The following ADGRV1 variants were observed in gnomAD, a reference collection of about 807,000 sequenced individuals.
ADGRV1 encodes adhesion G protein-coupled receptor V1, also known as G-protein coupled receptor 98.
Under a neutral mutation model 596.2 loss-of-function variants are expected in ADGRV1, and 359 were observed. The ratio of observed to expected loss-of-function variants is 0.60; its 90% CI spans 0.55 to 0.66. ADGRV1 has a LOEUF of 0.66. Ranked by LOEUF, ADGRV1 falls within the 30% of genes least tolerant of loss-of-function variation. The pLI is 0.00. For synonymous variants in ADGRV1, 2,681 were observed against 2,679.2 expected, an observed-to-expected ratio of 1.00 and a Z score of -0.02; for missense variants, 7,274 against 7,575.6, an observed-to-expected ratio of 0.96 and a Z score of 1.48.
chr5:90,636,464 C>T (rs1766222417), intron 10 of ADGRV1, among the ~76,000 whole-genome samples: 1 of 152,090 alleles, frequency 6.6e-6, no homozygotes, highest in Non-Finnish European at 1.5e-5. Context: ...CTCTTTTCTT[C>T]TTAAAACGGA....
intron 80 of ADGRV1, 76 bp downstream of exon 80, chr5:90,853,609 G>T: frequency 7.1e-7 from 1 of 1,409,146 alleles, no homozygotes; most frequent in Non-Finnish European, 9.7e-7. Context: ...GAATGCATTT[G>T]TTTGATCACA....
chr5:90,649,480 G>A (rs2149452795), intron 17 of ADGRV1, among the ~76,000 whole-genome samples: 1 of 151,828 alleles, frequency 6.6e-6, no homozygotes, highest in East Asian at 1.9e-4. Context: ...TAAAGAGTAG[G>A]GGAACTGACA....
chr5:90,879,339 C>A (rs1769528353), intron 83 of ADGRV1, among the ~76,000 whole-genome samples: 1 of 152,068 alleles, frequency 6.6e-6, no homozygotes, highest in Admixed American at 6.6e-5. Flanking sequence ...AAAGAAGTAT[C>A]AGTACACAGG....
intron 85 of ADGRV1, among the ~76,000 whole-genome samples, chr5:91,040,356 G>A (rs1036172556): frequency 3.9e-5 from 6 of 152,106 alleles, no homozygotes; most frequent in African/African-American, 9.7e-5. Context: ...GGGCTGTGGG[G>A]CACTGTACTG....
intron 89 of ADGRV1, among the ~76,000 whole-genome samples, chr5:91,156,247 A>G (rs1180577740): frequency 1.3e-5 from 2 of 152,064 alleles, no homozygotes; most frequent in African/African-American, 4.8e-5. Context: ...GAGAGAGAAG[A>G]AAGGAAAAGA....
Position 90,628,554 on chromosome 5 carries a change from C to T in ADGRV1, c.1239-8C>T. On this transcript the variant is annotated splice_region_variant and splice_polypyrimidine_tract_variant and intron_variant, in intron 7 of 89. Transcript: ENST00000405460. The stretch of plus-strand genomic sequence containing the variant: ...GTGACAATATGTATTTCTTTTAAAA[C>T]ATTTAAGATATGAAGAAATCACAGT... 6.2e-7 allele frequency: 1 copy of T among 1,610,266 alleles called. No homozygotes were observed. The highest frequency in any genetic ancestry group is 1.1e-5 in the South Asian group (1 of 91,006).
chr5:91,135,625 C>A lies in ADGRV1; in HGVS notation c.18433-14405C>A, dbSNP rs749658354. Among the ~76,000 whole-genome samples the A allele has an allele frequency of 2.0e-5, 3 of 152,074 alleles. No homozygotes were observed. In the South Asian group the frequency reaches 6.2e-4, roughly 32 times the overall value. ...CTGTAGGGAATCTGGTTTTTCCTGC[C>A]CTTGTTTTCTAGGCCCCAGGCAATA... On this transcript the variant is annotated intron_variant, in intron 87 of 89. Coordinates refer to ENST00000405460, the MANE Select transcript of ADGRV1 (RefSeq NM_032119.4).
At chr5:90,831,090 A>G (rs1411796596) in intron 77 of ADGRV1, among the ~76,000 whole-genome samples, 2 of 152,148 alleles carry the variant, frequency 1.3e-5, no homozygotes, top group South Asian at 2.1e-4. Flanking sequence ...TTCTCAGGCC[A>G]TAAGGCTTGA....
At chr5:90,878,977 T>G (rs1481227236) in intron 83 of ADGRV1, among the ~76,000 whole-genome samples, 1 of 152,230 alleles carries the variant, frequency 6.6e-6, no homozygotes, top group African/African-American at 2.4e-5. Flanking sequence ...GAGTCATTCT[T>G]TCCTGGGATA....
intron 39 of ADGRV1, among the ~76,000 whole-genome samples, chr5:90,709,746 A>C (rs2149710891): frequency 6.6e-6 from 1 of 152,362 alleles, no homozygotes; most frequent in Middle Eastern, 3.4e-3. Context: ...GAAATAGATG[A>C]TTCCAATGAG....
chr5:91,005,875 T>A (rs16869331), intron 85 of ADGRV1, among the ~76,000 whole-genome samples: 21,064 of 152,154 alleles, frequency 0.14, 1,974 homozygotes, highest in African/African-American at 0.24. Flanking sequence ...ACCATCGCTA[T>A]AGTTCATTCC....
At position 90,619,113 on chromosome 5, in the gene ADGRV1, T is replaced by G; in HGVS notation, c.385T>G (p.Trp129Gly). ...QKPSANVKLG[W>G]PRTVTVTILS... ...ACCTTCAGCAAATGTGAAGCTTGGATGGCCAAGGACTGTTACTGTGACAAT... is the reference window on the plus strand; with the variant it reads ...ACCTTCAGCAAATGTGAAGCTTGGAGGGCCAAGGACTGTTACTGTGACAAT... The change falls in exon 4 of 90, where the codon TGG becomes GGG. Residue 129 changes from tryptophan to glycine, a missense_variant. Trp to Gly is a radical substitution (Grantham distance 184). Transcript: ENST00000405460. 5 of 1,476,670 alleles carry G rather than the reference T, an allele frequency of 3.4e-6. No individual in the cohort carries two copies. The highest frequency in any genetic ancestry group is 4.5e-6 in the Non-Finnish European group (5 of 1,106,694). 91.5% of individuals were successfully genotyped at this position (1,476,670 alleles called of 1,614,324 possible).
chr5:91,075,481 C>A (rs907739708), intron 86 of ADGRV1, among the ~76,000 whole-genome samples: 1 of 152,048 alleles, frequency 6.6e-6, no homozygotes, highest in African/African-American at 2.4e-5. Flanking sequence ...AAAAAGATAG[C>A]CCTCAAGCAT....
At chr5:91,097,811 C>G (rs960384686) in intron 86 of ADGRV1, among the ~76,000 whole-genome samples, 1 of 152,174 alleles carries the variant, frequency 6.6e-6, no homozygotes, top group Admixed American at 6.5e-5. Flanking sequence ...ATCTTCGTTT[C>G]CCTAATGACT....
intron 85 of ADGRV1, among the ~76,000 whole-genome samples, chr5:90,998,721 A>G (rs1781610201): frequency 1.3e-5 from 2 of 152,162 alleles, no homozygotes; most frequent in South Asian, 4.1e-4. Flanking sequence ...TTTCTTAAAA[A>G]GATGCACGTG....
rs372694711 is a variant in ADGRV1 at position 91,139,521 on chromosome 5, A to G, written c.18433-10509A>G. Among the ~76,000 whole-genome samples, 23 of 152,360 alleles carry G rather than the reference A, an allele frequency of 1.5e-4. No homozygotes were observed. The East Asian group carries it at 4.2e-3, about 28-fold the overall frequency. ...AATGTGAAGTTTGCAGTGTGCATTC[A>G]GTATTTCTCTTCAAATGGAACACCT... On this transcript the variant is annotated intron_variant, in intron 87 of 89. Coordinates refer to ENST00000405460, the MANE Select transcript of ADGRV1 (RefSeq NM_032119.4).
chr5:90,620,791 G>A (rs1487925614), intron 4 of ADGRV1, among the ~76,000 whole-genome samples: 1 of 152,124 alleles, frequency 6.6e-6, no homozygotes, highest in African/African-American at 2.4e-5. Context: ...GTAAGGAAGG[G>A]ATCCAGTTTC....
At chr5:91,093,466 C>T (rs1157786281) in intron 86 of ADGRV1, among the ~76,000 whole-genome samples, 1 of 152,190 alleles carries the variant, frequency 6.6e-6, no homozygotes, top group African/African-American at 2.4e-5. Flanking sequence ...AGGGTCATAT[C>T]GACAAGTCAC....
intron 32 of ADGRV1, 60 bp downstream of exon 32, chr5:90,692,846 G>T (rs1040892697): frequency 8.4e-6 from 11 of 1,303,524 alleles, no homozygotes; most frequent in Non-Finnish European, 1.2e-5. Flanking sequence ...TGGTGGGGAA[G>T]GATCCCTTGC....
Sources: allele counts gnomAD v4.1 joint callset (sites outside exome capture counted in the v4.1 genomes callset), GRCh38; gene constraint gnomAD v4.1.1; transcripts MANE v1.5; gene names NCBI Gene and HGNC (gene_info 2026-07-23, HGNC 2026-07-21).